SLC34A1: variants seen among roughly 807,000 people sequenced by gnomAD.
The protein encoded by SLC34A1 is solute carrier family 34 member 1.
SLC34A1 carries 57 observed loss-of-function variants against 51.4 expected under a neutral mutation model. The ratio of observed to expected loss-of-function variants is 1.11; its 90% CI spans 0.90 to 1.38. The LOEUF is 1.38. Ranked by LOEUF, SLC34A1 falls within the 40% of genes most tolerant of loss-of-function variation. SLC34A1 has a pLI of 0.00. For synonymous variants in SLC34A1, 368 were observed against 358.0 expected (o/e 1.03, Z -0.32); for missense variants, 796 against 835.6 (o/e 0.95, Z 0.58).
At position 177,398,382 on chromosome 5, in the gene SLC34A1, AC is replaced by A. The variant is rs1003639839; in HGVS notation, c.*99del. On this transcript the variant is annotated 3_prime_UTR_variant, in exon 13 of 13. Transcript: ENST00000324417. The surrounding 1 kb of genome is among the most constrained non-coding windows in gnomAD (Gnocchi z 4.7). ...GTAGGTATGTGCATGTGCCTGTGCC[AC>A]CCTGGGTGCCAGTCTCTCCTTCTGT... The A allele has an allele frequency of 7.6e-5, 109 of 1,425,806 alleles. 1 individual carries two copies. The Admixed American group carries it at 1.8e-3, about 24-fold the overall frequency. The allele number at this position is 1,425,806 out of a possible 1,614,324, so 88.3% of individuals were successfully genotyped here.
In SLC34A1 at chr5:177,386,480, G is replaced by C; in HGVS notation, c.446G>C (p.Gly149Ala). The C allele has an allele frequency of 6.2e-7, 1 of 1,614,166 alleles. No homozygotes were observed. Among genetic ancestry groups the C allele is most frequent in the Non-Finnish European group, 8.5e-7 (1 of 1,180,018 alleles). Residue 149 changes from glycine to alanine, a missense_variant, in exon 5 of 13, where the codon GGG becomes GCG. Transcript: ENST00000324417. The surrounding 1 kb of genome is among the most constrained non-coding windows in gnomAD (Gnocchi z 4.8). ...DNAILSNPVA[G>A]LVVGILVTVL... is the part of the protein sequence containing the mutation. ...GCCATCCTGTCCAACCCGGTGGCCG[G>C]GCTGGTGGTGGGGATCCTGGTGACC... is the stretch of plus-strand genomic sequence containing the variant.
rs141827822 is a variant in SLC34A1 at position 177,388,191 on chromosome 5, T to G, written c.840+2T>G. 6.2e-7 allele frequency: 1 copy of G among 1,614,022 alleles called. No homozygotes were observed. Among genetic ancestry groups the G allele is most frequent in the East Asian group, 2.2e-5 (1 of 44,864 alleles). On this transcript the variant is annotated splice_donor_variant, in intron 7 of 12. Coordinates refer to ENST00000324417, the MANE Select transcript of SLC34A1 (RefSeq NM_003052.5). LOFTEE classifies it high-confidence loss of function. This position sits in a 1 kb window ranked among gnomAD's most constrained non-coding sequence, Gnocchi z 4.3. ...CCCTTCACGAAGCTCATCATCCAGGTGACAGCAGGGCCTGGCATGGGGTGA... is the reference window on the plus strand; with the variant it reads ...CCCTTCACGAAGCTCATCATCCAGGGGACAGCAGGGCCTGGCATGGGGTGA...
chr5:177,386,182 T>G lies in SLC34A1; in HGVS notation c.260-39T>G, dbSNP rs1243893928. On this transcript the variant is annotated intron_variant, in intron 3 of 12. Transcript: ENST00000324417. The surrounding 1 kb of genome is among the most constrained non-coding windows in gnomAD (Gnocchi z 4.8). ...GCAGAGGCGGCAGCAGTCCCTGCCC[T>G]GGCCTCTGCCCACTATGCTCATGGC... is the stretch of plus-strand genomic sequence containing the variant. The G allele has an allele frequency of 4.3e-6, 7 of 1,613,898 alleles. No homozygotes were observed. Among genetic ancestry groups the G allele is most frequent in the Non-Finnish European group, 5.1e-6 (6 of 1,179,998 alleles).
Position 177,385,757 on chromosome 5 carries a change from G to A in SLC34A1, c.16G>A (p.Glu6Lys). Residue 6 changes from glutamate to lysine, a missense_variant, in exon 2 of 13, where the codon GAG (glutamate) becomes AAG (lysine). By Grantham distance (56) the Glu-to-Lys change is moderately conservative. Coordinates refer to ENST00000324417, the MANE Select transcript of SLC34A1 (RefSeq NM_003052.5). ...GGTGCCCAGGATGTTGTCCTACGGAGAGAGGCTGGGGTCCCCTGCTGTCTC... is the reference window on the plus strand; with the variant it reads ...GGTGCCCAGGATGTTGTCCTACGGAAAGAGGCTGGGGTCCCCTGCTGTCTC... MLSYG[E>K]RLGSPAVSPL... is the part of the protein sequence containing the mutation. 1.2e-6 allele frequency: 2 copies of A among 1,613,010 alleles called. No homozygotes were observed. The highest frequency in any genetic ancestry group is 1.7e-5 in the Admixed American group (1 of 59,942).
At position 177,398,444 on chromosome 5, in the gene SLC34A1, G is replaced by C. The variant is rs746239621; in HGVS notation, c.*158G>C. On this transcript the variant is annotated 3_prime_UTR_variant, in exon 13 of 13. Transcript: ENST00000324417. This position sits in a 1 kb window ranked among gnomAD's most constrained non-coding sequence, Gnocchi z 4.7. ...AGCTCTGGGCTTGTGTGAGAGTGTC[G>C]GTGTGTGTGCATGTGTGGGGGTGAG... 3.5e-6 allele frequency: 3 copies of C among 858,116 alleles called. No individual in the cohort carries two copies. The East Asian group carries it at 7.3e-5, about 21-fold the overall frequency. 53.2% of individuals were successfully genotyped at this position (858,116 alleles called of 1,614,324 possible). A position where few individuals can be genotyped will look rare whatever the true frequency, so the allele number is the denominator to read the frequency against.
At position 177,397,912 on chromosome 5, in the gene SLC34A1, GT is replaced by G. The variant is rs1282618338; in HGVS notation, c.1547del (p.Val516AlafsTer27). On this transcript the variant is annotated frameshift_variant, in exon 13 of 13. Transcript: ENST00000324417. LOFTEE classifies it high-confidence loss of function. ...CACGGCCAAGTACCGCTGGTTTGCC[GT>G]CCTCTATCTCCTTGTCTGCTTCCTG... ...KRTAKYRWFA[V>X]LYLLVCFLLL... 7.4e-6 allele frequency: 12 copies of G among 1,613,994 alleles called. No individual in the cohort carries two copies. The highest frequency in any genetic ancestry group is 9.3e-6 in the Non-Finnish European group (11 of 1,180,008).
At chr5:177,394,954 A>C (rs1487172601) in intron 10 of SLC34A1, among the ~76,000 whole-genome samples, 3 of 151,942 alleles carry the variant, frequency 2.0e-5, no homozygotes, top group African/African-American at 7.3e-5. Context: ...CAGCCTCTCA[A>C]AGTGCTAGGA....
chr5:177,394,112 C>G lies in SLC34A1; in HGVS notation c.1091C>G (p.Thr364Ser). ...GCAGGATCCCTGGTGCTGCTGTGCA[C>G]CTGCCTCATCCTCCTAGTCAAGATG... ...LLAGSLVLLC[T>S]CLILLVKMLN... is the part of the protein sequence containing the mutation. Residue 364 changes from threonine (T) to serine (S), a missense_variant, in exon 10 of 13, where the codon ACC becomes AGC. By Grantham distance (58) the Thr-to-Ser change is moderately conservative. Transcript: ENST00000324417. The G allele has an allele frequency of 6.2e-7, 1 of 1,614,080 alleles. No individual in the cohort carries two copies. The highest frequency in any genetic ancestry group is 8.5e-7 in the Non-Finnish European group (1 of 1,180,032).
At position 177,394,088 on chromosome 5, in the gene SLC34A1, C is replaced by T. The variant is rs770194264; in HGVS notation, c.1067C>T (p.Ala356Val). The part of the protein sequence containing the change: ...PDLAVGLILL[A>V]GSLVLLCTCL... Reference sequence around the variant, plus strand: ...CTGGCTGTGGGGCTCATCCTGCTGGCAGGATCCCTGGTGCTGCTGTGCACC... The same window carrying T: ...CTGGCTGTGGGGCTCATCCTGCTGGTAGGATCCCTGGTGCTGCTGTGCACC... Residue 356 changes from alanine to valine, a missense_variant, in exon 10 of 13, where the codon GCA becomes GTA. Transcript: ENST00000324417. The T allele has an allele frequency of 1.2e-6, 2 of 1,614,062 alleles. No individual in the cohort carries two copies. Among genetic ancestry groups the T allele is most frequent in the Non-Finnish European group, 8.5e-7 (1 of 1,180,040 alleles).
Position 177,388,045 on chromosome 5 carries a change from G to C in SLC34A1, c.696G>C (p.Leu232=). 6.2e-7 allele frequency: 1 copy of C among 1,614,060 alleles called. No homozygotes were observed. The highest frequency in any genetic ancestry group is 8.5e-7 in the Non-Finnish European group (1 of 1,180,002). ...ACTGCTTTAACTGGCTGTCAGTGCT[G>C]GTCCTGCTGCCCCTGGAGGCTGCCA... ...VHDCFNWLSV[L]VLLPLEAATG... is the part of the protein sequence containing the mutation. Residue 232 remains leucine, a synonymous_variant, in exon 7 of 13, where the codon CTG becomes CTC. Coordinates refer to ENST00000324417, the MANE Select transcript of SLC34A1 (RefSeq NM_003052.5). This position sits in a 1 kb window ranked among gnomAD's most constrained non-coding sequence, Gnocchi z 4.3.
intron 8 of SLC34A1, among the ~76,000 whole-genome samples, chr5:177,392,159 A>T (rs1349632164): frequency 6.6e-6 from 1 of 152,160 alleles, no homozygotes; most frequent in Non-Finnish European, 1.5e-5. Flanking sequence ...GTTACACCAG[A>T]CGCCATAAAA....
intron 8 of SLC34A1, among the ~76,000 whole-genome samples, chr5:177,389,292 T>C (rs1762714103): frequency 2.6e-5 from 4 of 152,206 alleles, no homozygotes; most frequent in African/African-American, 9.6e-5. Context: ...CATAACTCCA[T>C]TTACAATGAG....
chr5:177,396,136 T>G lies in SLC34A1; in HGVS notation c.1175-597T>G, dbSNP rs1162613362. 6.6e-6 allele frequency among the ~76,000 whole-genome samples: 1 copy of G among 152,028 alleles called. No individual in the cohort carries two copies. The highest frequency in any genetic ancestry group is 2.4e-5 in the African/African-American group (1 of 41,368). ...AGGGGCTGCATGACAAGTACTAGAATAAGGGGTATCATGGGGCTGTGGGAG... is the reference window on the plus strand; with the variant it reads ...AGGGGCTGCATGACAAGTACTAGAAGAAGGGGTATCATGGGGCTGTGGGAG... On this transcript the variant is annotated intron_variant, in intron 10 of 12. Coordinates refer to ENST00000324417, the MANE Select transcript of SLC34A1 (RefSeq NM_003052.5). The surrounding 1 kb of genome is among the most constrained non-coding windows in gnomAD (Gnocchi z 4.0).
At chr5:177,397,103 G>A (rs751327680) in intron 12 of SLC34A1, 29 bp downstream of exon 12, 1 of 1,608,288 alleles carries the variant, frequency 6.2e-7, no homozygotes, top group East Asian at 2.2e-5. Flanking sequence ...CTCGCCTGGG[G>A]CAGGATGGAG....
In SLC34A1 at chr5:177,394,162, G is replaced by C. The variant is rs566144365; in HGVS notation, c.1141G>C (p.Val381Leu). 21 of 1,614,070 alleles carry C rather than the reference G, an allele frequency of 1.3e-5. No homozygotes were observed. The South Asian group carries it at 2.3e-4, about 18-fold the overall frequency. ...GCTCAACTCCCTGCTCAAGGGCCAA[G>C]TGGCCAAGGTCATCCAGAAGGTCAT... ...KMLNSLLKGQ[V>L]AKVIQKVINT... is the part of the protein sequence containing the mutation. Residue 381 changes from valine (V) to leucine (L), a missense_variant, in exon 10 of 13, where the codon GTG (valine) becomes CTG (leucine). Coordinates refer to ENST00000324417, the MANE Select transcript of SLC34A1 (RefSeq NM_003052.5).
At chr5:177,385,935 C>T (rs1042318694) in intron 2 of SLC34A1, 52 bp from the exon 3 acceptor site, 12 of 1,610,186 alleles carry the variant, frequency 7.5e-6, no homozygotes, top group Admixed American at 1.7e-5. Flanking sequence ...CCTGTTCCTC[C>T]CCGCCTCCCC....
intron 12 of SLC34A1, 28 bp downstream of exon 12, chr5:177,397,102 G>A (rs1391041434): frequency 2.5e-6 from 4 of 1,609,286 alleles, no homozygotes; most frequent in African/African-American, 1.3e-5. Context: ...CCTCGCCTGG[G>A]GCAGGATGGA....
At position 177,386,176 on chromosome 5, in the gene SLC34A1, CTG is replaced by C; in HGVS notation, c.259+41_259+42del. 6.2e-7 allele frequency: 1 copy of C among 1,613,940 alleles called. No individual in the cohort carries two copies. Among genetic ancestry groups the C allele is most frequent in the Non-Finnish European group, 8.5e-7 (1 of 1,179,962 alleles). ...GGGGTGGCAGAGGCGGCAGCAGTCCCTGCCCTGGCCTCTGCCCACTATGCTCA... is the reference window on the plus strand; with the variant it reads ...GGGGTGGCAGAGGCGGCAGCAGTCCCCCCTGGCCTCTGCCCACTATGCTCA... On this transcript the variant is annotated intron_variant, in intron 3 of 12. Coordinates refer to ENST00000324417, the MANE Select transcript of SLC34A1 (RefSeq NM_003052.5). This position sits in a 1 kb window ranked among gnomAD's most constrained non-coding sequence, Gnocchi z 4.8.
Position 177,389,945 on chromosome 5 carries a change from G to A in SLC34A1, c.936+1573G>A, listed in dbSNP as rs528578113. The A allele has an allele frequency of 1.8e-4, 255 of 1,405,282 alleles. No individual in the cohort carries two copies. The African/African-American group carries it at 2.4e-3, about 13-fold the overall frequency. 87.1% of individuals were successfully genotyped at this position (1,405,282 alleles called of 1,614,324 possible). On this transcript the variant is annotated intron_variant, in intron 8 of 12. Transcript: ENST00000324417. ...CTGCAGGGCAGGGTCTCATTTCCTC[G>A]GCTTGGAGAGTAGCTGGTGGGTGGG...
Sources: gnomAD v4.1 joint callset for allele counts (sites outside exome capture counted in the v4.1 genomes callset) on GRCh38, gnomAD v4.1.1 for gene constraint, Gnocchi (gnomAD v3.1) non-coding constraint, MANE v1.5 for transcripts, NCBI Gene and HGNC (gene_info 2026-07-23, HGNC 2026-07-21) for gene names.